The following CSNK1D variants were observed in gnomAD, a reference collection of about 807,000 sequenced individuals.
CSNK1D encodes casein kinase I isoform delta.
CSNK1D carries 16 observed loss-of-function variants against 46.6 expected under a neutral mutation model. That is an observed-to-expected ratio of 0.34 (90% confidence interval 0.23 to 0.52). The LOEUF (loss-of-function observed/expected upper bound fraction) is 0.52. CSNK1D is among the 20% of genes least tolerant of loss of function. CSNK1D has a pLI of 0.95. For synonymous variants in CSNK1D, 276 were observed against 228.2 expected (o/e 1.21, Z -1.89); for missense variants, 398 against 578.4 (o/e 0.69, Z 3.20).
intron 8 of CSNK1D, 53 bp from the exon 9 acceptor site, chr17:82,244,884 C>G (rs2050810415): frequency 6.2e-7 from 1 of 1,611,412 alleles, no homozygotes; most frequent in African/African-American, 1.3e-5. Flanking sequence ...GGGAGCCGGC[C>G]AGGCAGATAC....
rs1350628204 is a variant in CSNK1D at position 82,251,826 on chromosome 17, TG to T, written c.737-300del. ...TAACACAGTGAAACCCCATCTCTAC[TG>T]AAAAAAAAAAAAAAAAAGTTCTAGA... On this transcript the variant is annotated intron_variant, in intron 5 of 8. Transcript: ENST00000314028. This position sits in a 1 kb window ranked among gnomAD's most constrained non-coding sequence, Gnocchi z 4.5. The T allele has an allele frequency of 1.2e-4, 37 of 304,004 alleles. No homozygotes were observed. Among genetic ancestry groups the T allele is most frequent in the African/African-American group, 6.3e-4 (24 of 38,398 alleles). The allele number at this position is 304,004 out of a possible 1,614,324, so 18.8% of individuals were successfully genotyped here.
chr17:82,253,348 C>T, intron 3 of CSNK1D, 104 bp from the exon 4 acceptor site: 6 of 925,686 alleles, frequency 6.5e-6, no homozygotes, highest in Non-Finnish European at 3.6e-6. Flanking sequence ...TCCTGCCCCT[C>T]AGCCACAGCA....
At position 82,268,103 on chromosome 17, in the gene CSNK1D, G is replaced by A. The variant is rs112948726; in HGVS notation, c.77-2307C>T. On this transcript the variant is annotated intron_variant, in intron 1 of 8. Coordinates refer to ENST00000314028, the MANE Select transcript of CSNK1D (RefSeq NM_001893.6). The stretch of plus-strand genomic sequence containing the variant: ...CTCCTGTGGAACCGACACCAAGGTC[G>A]CCCCGAGTCTCTACAGGGGAGTAGC... 9.5e-4 allele frequency among the ~76,000 whole-genome samples: 144 copies of A among 152,310 alleles called. 1 individual carries two copies. Among genetic ancestry groups the A allele is most frequent in the African/African-American group, 3.2e-3 (134 of 41,552 alleles).
intron 2 of CSNK1D, among the ~76,000 whole-genome samples, chr17:82,256,076 GAA>G (rs1272166308): frequency 6.6e-6 from 1 of 152,194 alleles, no homozygotes; most frequent in Non-Finnish European, 1.5e-5. Flanking sequence ...CAAAAGCAAT[GAA>G]AACTTTTTGG....
rs895136991 is a variant in CSNK1D, at chr17:82,250,385, C to T, written c.886-783G>A. 34 of 392,802 alleles carry T rather than the reference C, an allele frequency of 8.7e-5. No individual in the cohort carries two copies. The highest frequency in any genetic ancestry group is 7.1e-4 in the Admixed American group (22 of 31,026). 24.3% of individuals were successfully genotyped at this position (392,802 alleles called of 1,614,324 possible). On this transcript the variant is annotated intron_variant, in intron 6 of 8. Coordinates refer to ENST00000314028, the MANE Select transcript of CSNK1D (RefSeq NM_001893.6). This position sits in a 1 kb window ranked among gnomAD's most constrained non-coding sequence, Gnocchi z 4.6. The stretch of plus-strand genomic sequence containing the variant: ...CCCAGACTCCTCATGCTGCCATTTA[C>T]GGAAAACGCTGGCCTAGCCTGCTCT...
Position 82,252,556 on chromosome 17 carries a change from T to G in CSNK1D, c.614A>C (p.Tyr205Ser). Residue 205 changes from tyrosine to serine, a missense_variant, in exon 5 of 9, where the codon TAC becomes TCC. Around this residue, in one of 2 missense-constraint regions of CSNK1D, gnomAD observed 217 missense variants for 370.3 expected, o/e 0.59. Coordinates refer to ENST00000314028, the MANE Select transcript of CSNK1D (RefSeq NM_001893.6). The surrounding 1 kb of genome is among the most constrained non-coding windows in gnomAD (Gnocchi z 4.6). ...CCAGGGGAGAGAGCCCAGGTTGAAGTACATTAGCACGTAGCCCAGAGACTC... is the reference window on the plus strand; with the variant it reads ...CCAGGGGAGAGAGCCCAGGTTGAAGGACATTAGCACGTAGCCCAGAGACTC... ...DLESLGYVLM[Y>S]FNLGSLPWQG... 2 of 1,614,066 alleles carry G rather than the reference T, an allele frequency of 1.2e-6. No homozygotes were observed. Among genetic ancestry groups the G allele is most frequent in the Non-Finnish European group, 1.7e-6 (2 of 1,180,028 alleles).
rs114393820 is a variant in CSNK1D, at chr17:82,251,056, C to G, written c.885+323G>C. 8.9e-4 allele frequency: 353 copies of G among 395,394 alleles called. 1 individual carries two copies. The highest frequency in any genetic ancestry group is 6.1e-3 in the African/African-American group (298 of 48,562). 24.5% of individuals were successfully genotyped at this position (395,394 alleles called of 1,614,324 possible). The stretch of plus-strand genomic sequence containing the variant: ...TGGCACAGCGAATGGGAATGCGCAC[C>G]CCCAGCCCCCACCCTCTGCCCCCAG... On this transcript the variant is annotated intron_variant, in intron 6 of 8. Coordinates refer to ENST00000314028, the MANE Select transcript of CSNK1D (RefSeq NM_001893.6). This position sits in a 1 kb window ranked among gnomAD's most constrained non-coding sequence, Gnocchi z 4.5.
rs527731881 is a variant in CSNK1D, at chr17:82,249,411, G to A, written c.1057+20C>T. ...GTCACCCCAGAGCCAGCCCCAGAGCGCTGGGAGGGGGGCACTCACCCGTGT... is the reference window on the plus strand; with the variant it reads ...GTCACCCCAGAGCCAGCCCCAGAGCACTGGGAGGGGGGCACTCACCCGTGT... On this transcript the variant is annotated intron_variant, in intron 7 of 8. Coordinates refer to ENST00000314028, the MANE Select transcript of CSNK1D (RefSeq NM_001893.6). The surrounding 1 kb of genome is among the most constrained non-coding windows in gnomAD (Gnocchi z 6.7). 1.7e-4 allele frequency: 262 copies of A among 1,533,070 alleles called. 1 individual carries two copies. In the South Asian group the frequency reaches 2.8e-3, roughly 16 times the overall value. The allele number at this position is 1,533,070 out of a possible 1,614,324, so 95.0% of individuals were successfully genotyped here. A position where few individuals can be genotyped will look rare whatever the true frequency, so the allele number is the denominator to read the frequency against.
chr17:82,245,312 G>A lies in CSNK1D; in HGVS notation c.1198-481C>T, dbSNP rs553103899. On this transcript the variant is annotated intron_variant, in intron 8 of 8. Coordinates refer to ENST00000314028, the MANE Select transcript of CSNK1D (RefSeq NM_001893.6). ...GAGCCGCCGAGCGCGCGTGGCCGCC[G>A]AGGAGGGAGCACAGCGTGGACGCCG... is the stretch of plus-strand genomic sequence containing the variant. 18 of 286,326 alleles carry A rather than the reference G, an allele frequency of 6.3e-5. No individual in the cohort carries two copies. The East Asian group carries it at 1.5e-3, about 25-fold the overall frequency. 17.7% of individuals were successfully genotyped at this position (286,326 alleles called of 1,614,324 possible).
At chr17:82,242,436 C>G (rs547266940), downstream of CSNK1D, among the ~76,000 whole-genome samples, 14 of 152,308 alleles carry the variant, frequency 9.2e-5, no homozygotes, top group Admixed American at 3.9e-4. Flanking sequence ...GCGTGGACTT[C>G]TGTGTGCACA....
chr17:82,265,368 G>A (rs535833012), intron 2 of CSNK1D: 5 of 369,946 alleles, frequency 1.4e-5, no homozygotes, highest in African/African-American at 2.1e-5. Flanking sequence ...TAGTAGAGAC[G>A]GGGTTTCACT....
At position 82,273,223 on chromosome 17, in the gene CSNK1D, C is replaced by G; in HGVS notation, c.76+83G>C. Reference sequence around the variant, plus strand: ...TGCGCGGAGACCCCGCGGGGGCCACCACTTCCTTCCGCGATCGCGCTTGGT... The same window carrying G: ...TGCGCGGAGACCCCGCGGGGGCCACGACTTCCTTCCGCGATCGCGCTTGGT... On this transcript the variant is annotated intron_variant, in intron 1 of 8. Coordinates refer to ENST00000314028, the MANE Select transcript of CSNK1D (RefSeq NM_001893.6). The surrounding 1 kb of genome is among the most constrained non-coding windows in gnomAD (Gnocchi z 5.1). 1 of 1,391,032 alleles carries G rather than the reference C, an allele frequency of 7.2e-7. No individual in the cohort carries two copies. Among genetic ancestry groups the G allele is most frequent in the Non-Finnish European group, 9.9e-7 (1 of 1,013,636 alleles). The allele number at this position is 1,391,032 out of a possible 1,614,324, so 86.2% of individuals were successfully genotyped here. A position where few individuals can be genotyped will look rare whatever the true frequency, so the allele number is the denominator to read the frequency against.
chr17:82,246,233 A>T (rs2050847245), intron 8 of CSNK1D: 1 of 1,489,500 alleles, frequency 6.7e-7, no homozygotes, highest in South Asian at 1.3e-5. Flanking sequence ...AGTGGTGCCC[A>T]CTCCTCTTCT....
rs896389150 is a variant in CSNK1D, at chr17:82,242,780, C to T, written c.*2001G>A. 2.5e-5 allele frequency: 25 copies of T among 985,168 alleles called. No homozygotes were observed. The South Asian group carries it at 6.1e-4, about 24-fold the overall frequency. The allele number at this position is 985,168 out of a possible 1,614,324, so 61.0% of individuals were successfully genotyped here. On this transcript the variant is annotated 3_prime_UTR_variant, in exon 9 of 9. Transcript: ENST00000314028. ...GGCCGTCAGTGCACAGCTGACACGA[C>T]GTCCTACCTACGTCTCCTGCACGGG...
chr17:82,250,323 A>T lies in CSNK1D; in HGVS notation c.886-721T>A. The T allele has an allele frequency of 1.5e-6, 1 of 676,380 alleles. No homozygotes were observed. The highest frequency in any genetic ancestry group is 2.3e-6 in the Non-Finnish European group (1 of 440,536). The allele number at this position is 676,380 out of a possible 1,614,324, so 41.9% of individuals were successfully genotyped here. A position where few individuals can be genotyped will look rare whatever the true frequency, so the allele number is the denominator to read the frequency against. Reference sequence around the variant, plus strand: ...CGTTCACCAGGCAACACACAGACCGACACACCTGCGGCTGCAGCACCGTGC... The same window carrying T: ...CGTTCACCAGGCAACACACAGACCGTCACACCTGCGGCTGCAGCACCGTGC... On this transcript the variant is annotated intron_variant, in intron 6 of 8. Transcript: ENST00000314028. The surrounding 1 kb of genome is among the most constrained non-coding windows in gnomAD (Gnocchi z 4.6).
Position 82,249,099 on chromosome 17 carries a change from A to C in CSNK1D, c.1058-85T>G. The C allele has an allele frequency of 6.7e-7, 1 of 1,489,700 alleles. No individual in the cohort carries two copies. The highest frequency in any genetic ancestry group is 9.0e-7 in the Non-Finnish European group (1 of 1,107,034). The allele number at this position is 1,489,700 out of a possible 1,614,324, so 92.3% of individuals were successfully genotyped here. On this transcript the variant is annotated intron_variant, in intron 7 of 8. Transcript: ENST00000314028. This position sits in a 1 kb window ranked among gnomAD's most constrained non-coding sequence, Gnocchi z 6.7. ...TTTCTATGAGAGGCTGTGGCCAGAG[A>C]GGACCCTGGGCTGCCTGGACAGTCA...
Position 82,255,210 on chromosome 17 carries a change from A to C in CSNK1D, c.336+219T>G. 1 of 613,962 alleles carries C rather than the reference A, an allele frequency of 1.6e-6. No homozygotes were observed. The allele number at this position is 613,962 out of a possible 1,614,324, so 38.0% of individuals were successfully genotyped here. ...TGGGCCGCCGGAGCCTCGAGAAGCC[A>C]GTGAGCTGGGCCGCCGGAGCCTCGA... On this transcript the variant is annotated intron_variant, in intron 3 of 8. Transcript: ENST00000314028. The surrounding 1 kb of genome is among the most constrained non-coding windows in gnomAD (Gnocchi z 5.9).
At position 82,255,441 on chromosome 17, in the gene CSNK1D, A is replaced by G. The variant is rs757868957; in HGVS notation, c.324T>C (p.Leu108=). 2.5e-6 allele frequency: 4 copies of G among 1,614,198 alleles called. No individual in the cohort carries two copies. The highest frequency in any genetic ancestry group is 3.4e-6 in the Non-Finnish European group (4 of 1,180,036). The change falls in exon 3 of 9, where the codon CTT becomes CTC. Residue 108 remains leucine (L), a synonymous_variant. Transcript: ENST00000314028. This position sits in a 1 kb window ranked among gnomAD's most constrained non-coding sequence, Gnocchi z 5.9. ...AAACAGTCCTTACCATTTGGTCAGC[A>G]AGCAGCAGGACGGTTTTGAGGCTGA... ...RKFSLKTVLL[L]ADQMISRIEY...
In CSNK1D at chr17:82,243,867, G is replaced by T. The variant is rs536103153; in HGVS notation, c.*914C>A. On this transcript the variant is annotated 3_prime_UTR_variant, in exon 9 of 9. Coordinates refer to ENST00000314028, the MANE Select transcript of CSNK1D (RefSeq NM_001893.6). ...AGTCCTCTCCCAAGGGACCAGAAAC[G>T]CATCTTCCACCTTGAATCCTGGGAC... is the stretch of plus-strand genomic sequence containing the variant. 1.0e-6 allele frequency: 1 copy of T among 985,622 alleles called. No individual in the cohort carries two copies. The highest frequency in any genetic ancestry group is 1.2e-6 in the Non-Finnish European group (1 of 830,066). The allele number at this position is 985,622 out of a possible 1,614,324, so 61.1% of individuals were successfully genotyped here. A position where few individuals can be genotyped will look rare whatever the true frequency, so the allele number is the denominator to read the frequency against.
Sources: gnomAD v4.1 joint callset for allele counts (sites outside exome capture counted in the v4.1 genomes callset) on GRCh38, gnomAD v4.1.1 for gene constraint, gnomAD v4.1.1 regional missense constraint, Gnocchi (gnomAD v3.1) non-coding constraint, MANE v1.5 for transcripts, NCBI Gene and HGNC (gene_info 2026-07-23, HGNC 2026-07-21) for gene names.